SORCS1: variants seen among roughly 807,000 people sequenced by gnomAD.
SORCS1 encodes the protein VPS10 domain-containing receptor SorCS1.
A neutral mutation model predicts 146.1 loss-of-function variants in SORCS1; 60 were observed. That is an observed-to-expected ratio of 0.41 (90% CI 0.33 to 0.51). SORCS1 has a LOEUF of 0.51. Ranked by LOEUF, SORCS1 falls within the 20% of genes least tolerant of loss-of-function variation. The pLI, the probability that SORCS1 is intolerant of heterozygous loss-of-function variation, is 0.21. For synonymous variants in SORCS1, 637 were observed against 584.0 expected, an observed-to-expected ratio of 1.09 and a Z score of -1.31; for missense variants, 1,352 against 1,487.6, an observed-to-expected ratio of 0.91 and a Z score of 1.50.
At chr10:106,894,295 G>T (rs1473344115) in intron 2 of SORCS1, among the ~76,000 whole-genome samples, 1 of 151,634 alleles carries the variant, frequency 6.6e-6, no homozygotes, top group Non-Finnish European at 1.5e-5. Context: ...GTGTGTGTGT[G>T]TGTGTGTGTG....
At chr10:106,931,500 T>C (rs1263713858) in intron 2 of SORCS1, among the ~76,000 whole-genome samples, 5 of 152,338 alleles carry the variant, frequency 3.3e-5, no homozygotes, top group African/African-American at 1.2e-4. Flanking sequence ...TTCACCATGC[T>C]GGCCTTCAGT....
At chr10:106,711,457 C>T (rs1854983307) in intron 6 of SORCS1, among the ~76,000 whole-genome samples, 1 of 152,110 alleles carries the variant, frequency 6.6e-6, no homozygotes, top group African/African-American at 2.4e-5. Context: ...TGTCCAGGAC[C>T]ACCTTTACTT....
intron 2 of SORCS1, among the ~76,000 whole-genome samples, chr10:106,917,420 T>C (rs1253235742): frequency 6.6e-6 from 1 of 152,220 alleles, no homozygotes; most frequent in Non-Finnish European, 1.5e-5. Context: ...TGGTATCCTC[T>C]GCATCAAGGC....
intron 3 of SORCS1, among the ~76,000 whole-genome samples, chr10:106,817,688 C>A (rs1947809789): frequency 6.6e-6 from 1 of 152,162 alleles, no homozygotes; most frequent in Admixed American, 6.5e-5. Context: ...ATGAAAGATA[C>A]AGTACCTTTA....
At chr10:106,756,881 C>T (rs1222950161) in intron 5 of SORCS1, among the ~76,000 whole-genome samples, 3 of 152,184 alleles carry the variant, frequency 2.0e-5, no homozygotes, top group Non-Finnish European at 4.4e-5. Flanking sequence ...CCAGATGCCT[C>T]CTTGCCCCTC....
At chr10:106,697,299 C>T (rs1356201787) in intron 9 of SORCS1, among the ~76,000 whole-genome samples, 1 of 151,890 alleles carries the variant, frequency 6.6e-6, no homozygotes, top group Non-Finnish European at 1.5e-5. Context: ...TCCGTCTCTA[C>T]TAAAAATACA....
chr10:107,164,287 C>T lies in SORCS1; in HGVS notation c.240G>A (p.Val80=), dbSNP rs1271934006. ...GGGATAGCGCTCGGTCCCCGGGGGCCACTGAGAACAGGGGACGCACTACGA... is the reference window on the plus strand; with the variant it reads ...GGGATAGCGCTCGGTCCCCGGGGGCTACTGAGAACAGGGGACGCACTACGA... ...LPLVVRPLFS[V]APGDRALSLE... is the part of the protein sequence containing the mutation. Residue 80 remains valine, a synonymous_variant, in exon 1 of 26, where the codon GTG becomes GTA. Coordinates refer to ENST00000263054, the MANE Select transcript of SORCS1 (RefSeq NM_052918.5). The surrounding 1 kb of genome is among the most constrained non-coding windows in gnomAD (Gnocchi z 6.8). 1.3e-6 allele frequency: 2 copies of T among 1,594,274 alleles called. No homozygotes were observed. Among genetic ancestry groups the T allele is most frequent in the Middle Eastern group, 1.6e-4 (1 of 6,062 alleles).
chr10:106,703,930 A>G (rs1417201564), intron 8 of SORCS1, among the ~76,000 whole-genome samples: 2 of 152,242 alleles, frequency 1.3e-5, no homozygotes, highest in Non-Finnish European at 2.9e-5. Flanking sequence ...TAATCACTGC[A>G]TTCTACCCTC....
At position 107,163,968 on chromosome 10, in the gene SORCS1, C is replaced by G; in HGVS notation, c.558+1G>C. 1 of 1,610,660 alleles carries G rather than the reference C, an allele frequency of 6.2e-7. No individual in the cohort carries two copies. Among genetic ancestry groups the G allele is most frequent in the Non-Finnish European group, 8.5e-7 (1 of 1,177,588 alleles). Reference sequence around the variant, plus strand: ...TTTACCCTCAGTCCCATTCTACTCACGCTGCTGTTGTGGCCAGACCAGTGG... The same window carrying G: ...TTTACCCTCAGTCCCATTCTACTCAGGCTGCTGTTGTGGCCAGACCAGTGG... On this transcript the variant is annotated splice_donor_variant, in intron 1 of 25. Transcript: ENST00000263054. LOFTEE classifies it high-confidence loss of function.
At chr10:107,077,503 A>T (rs762841497) in intron 1 of SORCS1, among the ~76,000 whole-genome samples, 5 of 151,710 alleles carry the variant, frequency 3.3e-5, no homozygotes, top group Admixed American at 6.6e-5. Context: ...GCAGGATGAA[A>T]CTTAGGAAAA....
intron 24 of SORCS1, among the ~76,000 whole-genome samples, chr10:106,582,656 T>TA (rs1844990366): frequency 6.6e-6 from 1 of 152,180 alleles, no homozygotes; most frequent in Non-Finnish European, 1.5e-5. Flanking sequence ...AGTTGCAGCT[T>TA]AAACAAGGTA....
rs113600429 is a variant in SORCS1, at chr10:107,043,962, C to T, written c.559-87382G>A. On this transcript the variant is annotated intron_variant, in intron 1 of 25. Transcript: ENST00000263054. The stretch of plus-strand genomic sequence containing the variant: ...TAAAAGTAGGACTTCCACAGCTTGT[C>T]CATACTGATATTCTCCTGGCGGGAT... Among the ~76,000 whole-genome samples the T allele has an allele frequency of 1.1e-3, 171 of 152,322 alleles. 2 individuals carry two copies. Among genetic ancestry groups the T allele is most frequent in the African/African-American group, 4.0e-3 (167 of 41,568 alleles).
intron 9 of SORCS1, among the ~76,000 whole-genome samples, chr10:106,696,455 G>A (rs938593008): frequency 7.2e-5 from 11 of 152,154 alleles, no homozygotes; most frequent in Admixed American, 1.3e-4. Flanking sequence ...CGGCACTGCC[G>A]TTCTGATCAC....
At chr10:106,585,946 CCCAA>C (rs1173999274) in intron 24 of SORCS1, among the ~76,000 whole-genome samples, 9 of 152,300 alleles carry the variant, frequency 5.9e-5, no homozygotes, top group South Asian at 4.1e-4. Flanking sequence ...AGCAGAGCTC[CCCAA>C]CCAACAACCC....
intron 17 of SORCS1, among the ~76,000 whole-genome samples, chr10:106,658,607 G>A (rs2135342072): frequency 6.6e-6 from 1 of 152,282 alleles, no homozygotes; most frequent in Admixed American, 6.5e-5. Flanking sequence ...GGAAGCCTTG[G>A]GGATGGAGAA....
intron 2 of SORCS1, among the ~76,000 whole-genome samples, chr10:106,870,448 C>T (rs142561746): frequency 6.6e-6 from 1 of 152,280 alleles, no homozygotes; most frequent in East Asian, 1.9e-4. Context: ...TACCACAGGG[C>T]TACAGTAACC....
At chr10:106,648,103 C>T (rs992485841) in intron 18 of SORCS1, among the ~76,000 whole-genome samples, 8 of 152,060 alleles carry the variant, frequency 5.3e-5, no homozygotes, top group African/African-American at 1.9e-4. Context: ...CTCAAATGAT[C>T]CTCCCACCTT....
chr10:107,107,253 C>T (rs539374144), intron 1 of SORCS1, among the ~76,000 whole-genome samples: 2 of 152,252 alleles, frequency 1.3e-5, no homozygotes, highest in East Asian at 1.9e-4. Flanking sequence ...AGAAGAGATG[C>T]AGAGAAAGCC....
chr10:106,939,406 C>T (rs188595786), intron 2 of SORCS1, among the ~76,000 whole-genome samples: 38 of 147,216 alleles, frequency 2.6e-4, no homozygotes, highest in Non-Finnish European at 5.1e-4. Context: ...TGGTCTGACT[C>T]AATGTTCTCA....
Sources: allele counts gnomAD v4.1 joint callset (sites outside exome capture counted in the v4.1 genomes callset), GRCh38; gene constraint gnomAD v4.1.1; non-coding constraint Gnocchi (gnomAD v3.1); transcripts MANE v1.5; gene names NCBI Gene and HGNC (gene_info 2026-07-23, HGNC 2026-07-21).